MACROD2: variants seen among roughly 807,000 people sequenced by gnomAD.
MACROD2 encodes mono-ADP ribosylhydrolase 2.
Under a neutral mutation model 70.4 loss-of-function variants are expected in MACROD2, and 36 were observed. The ratio of observed to expected loss-of-function variants is 0.51; its 90% CI spans 0.39 to 0.68. MACROD2 has a LOEUF of 0.68. MACROD2 is among the 30% of genes least tolerant of loss of function. The pLI is 0.00. For missense variants in MACROD2, 496 were observed against 538.4 expected (o/e 0.92, Z 0.78); for synonymous variants, 172 against 178.8 (o/e 0.96, Z 0.30).
chr20:15,922,947 A>G (rs2065432683), intron 10 of MACROD2, among the ~76,000 whole-genome samples: 1 of 142,372 alleles, frequency 7.0e-6, no homozygotes, highest in Non-Finnish European at 1.5e-5. Context: ...GGTAAATTCT[A>G]TACATTGATT....
intron 5 of MACROD2, among the ~76,000 whole-genome samples, chr20:15,217,020 C>A (rs2076816308): frequency 6.6e-6 from 1 of 152,016 alleles, no homozygotes; most frequent in Non-Finnish European, 1.5e-5. Context: ...AGGAAATTTC[C>A]AGCCACAGAC....
At chr20:15,973,714 C>T (rs974441362) in intron 13 of MACROD2, among the ~76,000 whole-genome samples, 1 of 152,006 alleles carries the variant, frequency 6.6e-6, no homozygotes, top group Non-Finnish European at 1.5e-5. Flanking sequence ...AAAGGTAAAG[C>T]TTTAAAAGTA....
At chr20:14,458,681 T>C (rs75339998) in intron 3 of MACROD2, among the ~76,000 whole-genome samples, 1,845 of 152,178 alleles carry the variant, frequency 0.012, 19 homozygotes, top group Non-Finnish European at 0.019. Context: ...TGGCTGTTCC[T>C]GAGTTGTATC....
At chr20:15,573,291 A>G (rs1220418997) in intron 8 of MACROD2, among the ~76,000 whole-genome samples, 1 of 152,188 alleles carries the variant, frequency 6.6e-6, no homozygotes, top group African/African-American at 2.4e-5. Context: ...TAATGAAAAT[A>G]TAATGAAAAT....
At chr20:15,377,803 G>A (rs907350773) in intron 6 of MACROD2, among the ~76,000 whole-genome samples, 6 of 152,188 alleles carry the variant, frequency 3.9e-5, no homozygotes, top group African/African-American at 9.7e-5. Flanking sequence ...AGTGAGCCAC[G>A]CATGTGGTAT....
At chr20:14,014,148 G>C (rs949294297) in intron 2 of MACROD2, among the ~76,000 whole-genome samples, 1 of 151,902 alleles carries the variant, frequency 6.6e-6, no homozygotes, top group African/African-American at 2.4e-5. Context: ...ATACATTTTG[G>C]TCAGCGTGAA....
intron 5 of MACROD2, among the ~76,000 whole-genome samples, chr20:14,703,614 C>T (rs1488111570): frequency 6.6e-6 from 1 of 152,214 alleles, no homozygotes; most frequent in African/African-American, 2.4e-5. Flanking sequence ...ACTAGGGAGG[C>T]TTGAGGCCAG....
intron 3 of MACROD2, among the ~76,000 whole-genome samples, chr20:14,447,676 G>A (rs1342858913): frequency 6.6e-6 from 1 of 152,012 alleles, no homozygotes; most frequent in East Asian, 1.9e-4. Context: ...TGGAAGCTAA[G>A]TAGAGGGCTG....
intron 8 of MACROD2, among the ~76,000 whole-genome samples, chr20:15,843,016 A>G (rs1439213675): frequency 6.6e-6 from 1 of 152,206 alleles, no homozygotes; most frequent in Admixed American, 6.5e-5. Context: ...ACAGTAGACT[A>G]GATTTCAGTC....
intron 4 of MACROD2, among the ~76,000 whole-genome samples, chr20:14,571,263 C>T (rs1980173324): frequency 6.6e-6 from 1 of 151,958 alleles, no homozygotes; most frequent in African/African-American, 2.4e-5. Flanking sequence ...ATTTAAGTCC[C>T]TAATAAATTT....
chr20:14,733,701 CA>C (rs2071624448), intron 5 of MACROD2, among the ~76,000 whole-genome samples: 1 of 152,138 alleles, frequency 6.6e-6, no homozygotes, highest in Admixed American at 6.5e-5. Flanking sequence ...AATGAACCTG[CA>C]GAAGCAATTA....
intron 6 of MACROD2, among the ~76,000 whole-genome samples, chr20:15,406,483 A>G (rs1349573022): frequency 2.0e-5 from 3 of 152,194 alleles, no homozygotes; most frequent in African/African-American, 7.2e-5. Context: ...TCTTTTTATT[A>G]GAGTCCTTGG....
At chr20:16,049,081 A>T (rs6034361) in intron 17 of MACROD2, among the ~76,000 whole-genome samples, 56,638 of 151,960 alleles carry the variant, frequency 0.37, 11,148 homozygotes, top group African/African-American at 0.51. Flanking sequence ...TGATTCCATT[A>T]GCAGGGAGTC....
chr20:15,885,626 G>T, intron 9 of MACROD2, 138 bp from the exon 10 acceptor site: 1 of 734,122 alleles, frequency 1.4e-6, no homozygotes, highest in Non-Finnish European at 2.0e-6. Context: ...TAAGACAACA[G>T]AAATGCATGT....
chr20:15,735,817 G>A (rs1199381694), intron 8 of MACROD2, among the ~76,000 whole-genome samples: 1 of 152,182 alleles, frequency 6.6e-6, no homozygotes, highest in South Asian at 2.1e-4. Context: ...TGCATGAAAT[G>A]AGAAAGTCAT....
intron 3 of MACROD2, among the ~76,000 whole-genome samples, chr20:14,132,582 A>G (rs1435361542): frequency 6.6e-6 from 1 of 152,204 alleles, no homozygotes; most frequent in African/African-American, 2.4e-5. Flanking sequence ...CAAAATACAT[A>G]TTAATTACTT....
intron 5 of MACROD2, among the ~76,000 whole-genome samples, chr20:15,177,759 C>T (rs977763280): frequency 6.6e-6 from 1 of 152,054 alleles, no homozygotes; most frequent in African/African-American, 2.4e-5. Flanking sequence ...TTTCCCTCCT[C>T]TTGCTTGGTT....
chr20:15,458,638 T>TA (rs1365234555), intron 7 of MACROD2, among the ~76,000 whole-genome samples: 5 of 129,974 alleles, frequency 3.8e-5, no homozygotes, highest in African/African-American at 9.1e-5. Flanking sequence ...TTTTTTTTTT[T>TA]TAAAAAAAAA....
intron 8 of MACROD2, among the ~76,000 whole-genome samples, chr20:15,752,467 C>T (rs982766674): frequency 1.3e-5 from 2 of 152,062 alleles, no homozygotes; most frequent in Non-Finnish European, 2.9e-5. Flanking sequence ...GGAAAAGAAT[C>T]ATACAAACCA....
Sources: gnomAD v4.1 joint callset for allele counts (sites outside exome capture counted in the v4.1 genomes callset) on GRCh38, gnomAD v4.1.1 for gene constraint, MANE v1.5 for transcripts, NCBI Gene and HGNC (gene_info 2026-07-23, HGNC 2026-07-21) for gene names.